Variants in AGBL1 observed in about 807,000 individuals in gnomAD.
AGBL1 encodes the protein cytosolic carboxypeptidase 4.
In AGBL1, 130 loss-of-function variants were observed where a neutral mutation model predicts 118.9. The observed-to-expected ratio is 1.09, with a 90% CI of 0.95 to 1.26. AGBL1 has a LOEUF of 1.26. Ranked by LOEUF, AGBL1 falls within the 50% of genes most tolerant of loss-of-function variation. The pLI is 0.00. For missense variants in AGBL1, 1,584 were observed against 1,298.1 expected (o/e 1.22, Z -3.38); for synonymous variants, 555 against 478.9 (o/e 1.16, Z -2.08).
At chr15:86,341,161 G>T (rs1211441428) in intron 17 of AGBL1, among the ~76,000 whole-genome samples, 3 of 152,198 alleles carry the variant, frequency 2.0e-5, no homozygotes, top group African/African-American at 7.2e-5. Flanking sequence ...GGCCCACTTA[G>T]GGTGCTTCAT....
chr15:86,229,246 T>G (rs1374274976), intron 6 of AGBL1, among the ~76,000 whole-genome samples: 1 of 152,126 alleles, frequency 6.6e-6, no homozygotes, highest in Non-Finnish European at 1.5e-5. Context: ...CTGGGTAATT[T>G]ACAAAGGAAA....
intron 24 of AGBL1, among the ~76,000 whole-genome samples, chr15:86,999,677 C>T (rs2081415586): frequency 6.6e-6 from 1 of 151,110 alleles, no homozygotes; most frequent in African/African-American, 2.4e-5. Context: ...AATAATGCCA[C>T]AATAAACACA....
intron 22 of AGBL1, among the ~76,000 whole-genome samples, chr15:86,871,412 T>C (rs1596573904): frequency 1.3e-5 from 2 of 152,170 alleles, no homozygotes; most frequent in Non-Finnish European, 2.9e-5. Context: ...AGTCATAGTT[T>C]TATTAGATCT....
At chr15:86,375,527 A>G (rs1390628091) in intron 17 of AGBL1, among the ~76,000 whole-genome samples, 6 of 152,190 alleles carry the variant, frequency 3.9e-5, no homozygotes. Context: ...CATGTCAGGT[A>G]CAGAACTCAT....
intron 17 of AGBL1, among the ~76,000 whole-genome samples, chr15:86,349,296 G>T (rs1353575): frequency 6.6e-6 from 1 of 151,966 alleles, no homozygotes; most frequent in East Asian, 1.9e-4. Context: ...GCTGGGAATG[G>T]TGCTAGACAG....
intron 17 of AGBL1, among the ~76,000 whole-genome samples, chr15:86,391,439 C>T (rs1305550876): frequency 1.3e-5 from 2 of 149,420 alleles, no homozygotes; most frequent in South Asian, 2.1e-4. Flanking sequence ...TTTCCTGTCT[C>T]CTTCCTTCCT....
chr15:86,275,772 C>T (rs772567657), intron 15 of AGBL1, among the ~76,000 whole-genome samples: 6 of 152,180 alleles, frequency 3.9e-5, no homozygotes, highest in Non-Finnish European at 7.3e-5. Context: ...CAATAGGATC[C>T]AGCTAATCTT....
chr15:86,497,135 T>A (rs2082864280), intron 18 of AGBL1, among the ~76,000 whole-genome samples: 1 of 152,056 alleles, frequency 6.6e-6, no homozygotes, highest in South Asian at 2.1e-4. Context: ...TTGTTTTTAA[T>A]TTTAATAAGA....
At chr15:87,031,269 A>ATAAT, downstream of AGBL1, among the ~76,000 whole-genome samples, 1 of 152,080 alleles carries the variant, frequency 6.6e-6, no homozygotes, top group South Asian at 2.1e-4. Flanking sequence ...TGATGTAACC[A>ATAAT]TAATTACAAA....
At chr15:86,917,173 G>T (rs1461913729), downstream of AGBL1, among the ~76,000 whole-genome samples, 3 of 152,078 alleles carry the variant, frequency 2.0e-5, no homozygotes, top group East Asian at 1.9e-4. This position sits in a 1 kb window ranked among gnomAD's most constrained non-coding sequence, Gnocchi z 4.8. Context: ...GAGAAGATGG[G>T]GGAGAGGCGT....
chr15:86,152,675 T>G (rs1177631114), intron 3 of AGBL1, among the ~76,000 whole-genome samples: 1 of 152,096 alleles, frequency 6.6e-6, no homozygotes, highest in Non-Finnish European at 1.5e-5. Context: ...GGGATCTAAT[T>G]AAACTAAAGA....
At chr15:86,768,739 A>G (rs2078131108) in intron 22 of AGBL1, among the ~76,000 whole-genome samples, 1 of 151,986 alleles carries the variant, frequency 6.6e-6, no homozygotes, top group Non-Finnish European at 1.5e-5. Flanking sequence ...TAACTTTTTA[A>G]CATGTATAGT....
intron 18 of AGBL1, among the ~76,000 whole-genome samples, chr15:86,402,899 A>ACAAG (rs937749856): frequency 1.3e-4 from 20 of 152,238 alleles, no homozygotes; most frequent in Middle Eastern, 3.4e-3. Flanking sequence ...AAACAAACAA[A>ACAAG]CAAACAAACA....
chr15:86,189,435 G>C (rs530213675), intron 5 of AGBL1, among the ~76,000 whole-genome samples: 1 of 152,210 alleles, frequency 6.6e-6, no homozygotes, highest in South Asian at 2.1e-4. Context: ...TTGACCCCTC[G>C]AAATCTCATG....
At chr15:86,300,380 A>C (rs1489497932) in intron 17 of AGBL1, among the ~76,000 whole-genome samples, 1 of 152,166 alleles carries the variant, frequency 6.6e-6, no homozygotes, top group Non-Finnish European at 1.5e-5. Flanking sequence ...ACATCTCTAC[A>C]TTTAGACCCT....
intron 5 of AGBL1, among the ~76,000 whole-genome samples, chr15:86,203,756 T>C (rs1250384763): frequency 1.3e-5 from 2 of 152,194 alleles, no homozygotes; most frequent in Non-Finnish European, 2.9e-5. Flanking sequence ...ACGGAGTTAC[T>C]CATCTTCGTA....
chr15:86,943,596 GT>G (rs751053111), intron 23 of AGBL1, among the ~76,000 whole-genome samples: 33 of 152,158 alleles, frequency 2.2e-4, no homozygotes, highest in Non-Finnish European at 2.1e-4. Flanking sequence ...CTAATCTTTT[GT>G]TATGCAGATG....
At chr15:86,698,235 G>A (rs1446770829) in intron 22 of AGBL1, among the ~76,000 whole-genome samples, 1 of 151,984 alleles carries the variant, frequency 6.6e-6, no homozygotes, top group Non-Finnish European at 1.5e-5. Context: ...TGGTCTCCTA[G>A]GACATAGAGT....
chr15:86,341,300 T>A (rs769585785), intron 17 of AGBL1, among the ~76,000 whole-genome samples: 12 of 152,282 alleles, frequency 7.9e-5, no homozygotes, highest in Middle Eastern at 3.4e-3. Context: ...AGCAGGCTTT[T>A]ATGGGGGTCT....
Sources: allele counts gnomAD v4.1 joint callset (sites outside exome capture counted in the v4.1 genomes callset), GRCh38; gene constraint gnomAD v4.1.1; non-coding constraint Gnocchi (gnomAD v3.1); transcripts MANE v1.5; gene names NCBI Gene and HGNC (gene_info 2026-07-23, HGNC 2026-07-21).